Variants in ECHDC1 observed in about 807,000 individuals in gnomAD.
ECHDC1 encodes ethylmalonyl-CoA decarboxylase.
Under a neutral mutation model 29.7 loss-of-function variants are expected in ECHDC1, and 29 were observed. That is an observed-to-expected ratio of 0.98 (90% CI 0.73 to 1.33). ECHDC1 has a LOEUF of 1.33. Ranked by LOEUF, ECHDC1 falls within the 40% of genes most tolerant of loss-of-function variation. The pLI is 0.00. For missense variants in ECHDC1, 328 were observed against 350.0 expected, an observed-to-expected ratio of 0.94 and a Z score of 0.50; for synonymous variants, 126 against 123.1, an observed-to-expected ratio of 1.02 and a Z score of -0.15.
At chr6:127,315,152 T>C in intron 4 of ECHDC1, 1 of 614,492 alleles carries the variant, frequency 1.6e-6, no homozygotes, top group East Asian at 3.4e-5. Context: ...AATCATTATA[T>C]ATTTTTAAGC....
chr6:127,326,996 A>T lies in ECHDC1; in HGVS notation c.363+6T>A, dbSNP rs764658980. 6.8e-6 allele frequency: 11 copies of T among 1,612,698 alleles called. No individual in the cohort carries two copies. The highest frequency in any genetic ancestry group is 9.3e-6 in the Non-Finnish European group (11 of 1,179,478). ...GAATCAAATGCATAATTCATATAAC[A>T]CTTGCCTCTGGAGTTCCTAGTGATT... is the stretch of plus-strand genomic sequence containing the variant. On this transcript the variant is annotated splice_donor_region_variant and intron_variant, in intron 3 of 5. Coordinates refer to ENST00000454859, the MANE Select transcript of ECHDC1 (RefSeq NM_001002030.2).
intron 1 of ECHDC1, among the ~76,000 whole-genome samples, chr6:127,333,044 T>C (rs1428404626): frequency 6.6e-6 from 1 of 152,198 alleles, no homozygotes; most frequent in Non-Finnish European, 1.5e-5. Flanking sequence ...CCACCCACCT[T>C]GGCTTCCCAA....
At chr6:127,340,439 C>T (rs1014579772) in intron 1 of ECHDC1, among the ~76,000 whole-genome samples, 3 of 152,176 alleles carry the variant, frequency 2.0e-5, no homozygotes, top group African/African-American at 4.8e-5. Context: ...GGAAGTGTCC[C>T]ATTCTAAGAA....
chr6:127,323,495 G>A (rs764899147), intron 3 of ECHDC1, among the ~76,000 whole-genome samples: 1 of 152,096 alleles, frequency 6.6e-6, no homozygotes, highest in Non-Finnish European at 1.5e-5. Flanking sequence ...TACGGTGCTA[G>A]TAGGCACTTT....
At chr6:127,320,217 A>G (rs929925761) in intron 3 of ECHDC1, among the ~76,000 whole-genome samples, 2 of 152,230 alleles carry the variant, frequency 1.3e-5, no homozygotes, top group East Asian at 3.9e-4. Flanking sequence ...GGGTTTCACC[A>G]TGTTGGCCAG....
intron 5 of ECHDC1, among the ~76,000 whole-genome samples, chr6:127,311,802 A>G (rs1442763226): frequency 1.4e-5 from 2 of 139,264 alleles, no homozygotes; most frequent in African/African-American, 5.1e-5. Context: ...AAAAAAAAAA[A>G]CATTAGTATG....
At chr6:127,295,682 A>G (rs1306211977) in intron 5 of ECHDC1, among the ~76,000 whole-genome samples, 1 of 152,224 alleles carries the variant, frequency 6.6e-6, no homozygotes, top group Non-Finnish European at 1.5e-5. Context: ...AATTAGTAGA[A>G]TCTTTCCTAG....
intron 5 of ECHDC1, among the ~76,000 whole-genome samples, chr6:127,301,440 A>G (rs1781046175): frequency 6.6e-6 from 1 of 152,252 alleles, no homozygotes; most frequent in Admixed American, 6.5e-5. Context: ...AAGGGCCAAC[A>G]CATATAAAGA....
At chr6:127,306,675 G>A (rs1781466593) in intron 5 of ECHDC1, among the ~76,000 whole-genome samples, 1 of 152,092 alleles carries the variant, frequency 6.6e-6, no homozygotes, top group African/African-American at 2.4e-5. Flanking sequence ...GGGACTATGA[G>A]CCAATTAAAC....
intron 2 of ECHDC1, among the ~76,000 whole-genome samples, chr6:127,328,206 C>T (rs1783540867): frequency 1.3e-5 from 2 of 152,200 alleles, no homozygotes; most frequent in African/African-American, 4.8e-5. Flanking sequence ...TGCAGCTATC[C>T]TTTCTTATGG....
At chr6:127,301,025 C>T (rs1417935740) in intron 5 of ECHDC1, among the ~76,000 whole-genome samples, 2 of 152,158 alleles carry the variant, frequency 1.3e-5, no homozygotes, top group Non-Finnish European at 2.9e-5. Flanking sequence ...CATTTCCTCA[C>T]ATTAATTTTG....
intron 5 of ECHDC1, among the ~76,000 whole-genome samples, chr6:127,301,669 C>G (rs1781063459): frequency 6.6e-6 from 1 of 152,216 alleles, no homozygotes; most frequent in South Asian, 2.1e-4. Flanking sequence ...GCAATCCTCT[C>G]TATTAGCCTC....
chr6:127,290,151 C>A lies in ECHDC1; in HGVS notation c.624G>T (p.Gly208=). 6.2e-7 allele frequency: 1 copy of A among 1,613,716 alleles called. No homozygotes were observed. Residue 208 remains glycine (G), a synonymous_variant, in exon 6 of 6, where the codon GGG becomes GGT. Transcript: ENST00000454859. ...GSRQALKVLS[G]ALKLDSKNAL... The stretch of plus-strand genomic sequence containing the variant: ...CATTTTTTGAATCCAGTTTAAGGGC[C>A]CCACTCAACACTTTGAGAGCTTGTC...
At position 127,289,750 on chromosome 6, in the gene ECHDC1, A is replaced by C. The variant is rs557972704; in HGVS notation, c.*119T>G. 9.8e-7 allele frequency: 1 copy of C among 1,015,704 alleles called. No homozygotes were observed. Among genetic ancestry groups the C allele is most frequent in the African/African-American group, 1.6e-5 (1 of 61,578 alleles). 62.9% of individuals were successfully genotyped at this position (1,015,704 alleles called of 1,614,324 possible). On this transcript the variant is annotated 3_prime_UTR_variant, in exon 6 of 6. Coordinates refer to ENST00000454859, the MANE Select transcript of ECHDC1 (RefSeq NM_001002030.2). Reference sequence around the variant, plus strand: ...TCAGATATTCAAATGATTAAAAGTAAGTCTGCATATTAATAGTAGCCTTCA... The same window carrying C: ...TCAGATATTCAAATGATTAAAAGTACGTCTGCATATTAATAGTAGCCTTCA...
rs1015413805 is a variant in ECHDC1, at chr6:127,299,572, G to C, written c.498-9295C>G. Among the ~76,000 whole-genome samples the C allele has an allele frequency of 1.3e-4, 19 of 151,970 alleles. 1 individual carries two copies. The highest frequency in any genetic ancestry group is 7.4e-5 in the Non-Finnish European group (5 of 68,004). On this transcript the variant is annotated intron_variant, in intron 5 of 5. Transcript: ENST00000454859. The stretch of plus-strand genomic sequence containing the variant: ...AAAATGTGTTTGTGTTTTACATGAA[G>C]TGCTATTACAAAAGAATAAAAAAGT...
chr6:127,304,697 A>G (rs970154665), intron 5 of ECHDC1, among the ~76,000 whole-genome samples: 2 of 152,174 alleles, frequency 1.3e-5, no homozygotes, highest in Non-Finnish European at 2.9e-5. Context: ...ATTTAAGAAC[A>G]AGATTGAAAT....
rs1430094158 is a variant in ECHDC1, at chr6:127,289,613, T to C, written c.*256A>G. On this transcript the variant is annotated 3_prime_UTR_variant, in exon 6 of 6. Transcript: ENST00000454859. Reference sequence around the variant, plus strand: ...TTTGGTTATAAGCTAAGAATTATTATTGGAATTGACAGCAATAATTTTTAA... The same window carrying C: ...TTTGGTTATAAGCTAAGAATTATTACTGGAATTGACAGCAATAATTTTTAA... 8.0e-6 allele frequency: 3 copies of C among 376,990 alleles called. No individual in the cohort carries two copies. Among genetic ancestry groups the C allele is most frequent in the Non-Finnish European group, 1.4e-5 (3 of 210,742 alleles). 23.4% of individuals were successfully genotyped at this position (376,990 alleles called of 1,614,324 possible). A position where few individuals can be genotyped will look rare whatever the true frequency, so the allele number is the denominator to read the frequency against.
intron 3 of ECHDC1, among the ~76,000 whole-genome samples, chr6:127,323,912 C>T (rs999947398): frequency 1.3e-5 from 2 of 152,142 alleles, no homozygotes; most frequent in Non-Finnish European, 2.9e-5. Flanking sequence ...TATTTCTACT[C>T]TGTCAGGGTA....
chr6:127,322,036 T>C (rs1277742968), intron 3 of ECHDC1, among the ~76,000 whole-genome samples: 1 of 151,654 alleles, frequency 6.6e-6, no homozygotes. Context: ...CTAGGCCTGG[T>C]GGTTCATGCC....
Sources: gnomAD v4.1 joint callset for allele counts (sites outside exome capture counted in the v4.1 genomes callset) on GRCh38, gnomAD v4.1.1 for gene constraint, MANE v1.5 for transcripts, NCBI Gene and HGNC (gene_info 2026-07-23, HGNC 2026-07-21) for gene names.